SNX18: variants seen among roughly 807,000 people sequenced by gnomAD.
SNX18 encodes the protein sorting nexin 18, also known as sorting nexin-18.
In SNX18, 35 loss-of-function variants were observed where a neutral mutation model predicts 48.7. The observed-to-expected ratio is 0.72, with a 90% confidence interval of 0.55 to 0.95. The LOEUF (loss-of-function observed/expected upper bound fraction) is 0.95, where lower values mean the gene tolerates loss of function less well. Ranked by LOEUF, SNX18 falls within the 40% of genes least tolerant of loss-of-function variation. The probability of loss-of-function intolerance (pLI) is 0.00; values close to 1 mark genes in which losing one functional copy is unlikely to be tolerated. For synonymous variants in SNX18, 492 were observed against 384.7 expected, an observed-to-expected ratio of 1.28 and a Z score of -3.26; for missense variants, 824 against 871.0, an observed-to-expected ratio of 0.95 and a Z score of 0.68.
chr5:54,571,368 C>T, the SNX18 span, among the ~76,000 whole-genome samples: 1 of 152,076 alleles, frequency 6.6e-6, no homozygotes, highest in Non-Finnish European at 1.5e-5. Flanking sequence ...AAAAAGTCCC[C>T]GTAGGAAGAA....
the SNX18 span, among the ~76,000 whole-genome samples, chr5:54,612,554 T>G: frequency 6.6e-6 from 1 of 152,136 alleles, no homozygotes. Context: ...TGAGCCACCG[T>G]GCCTGGCTGA....
chr5:54,584,559 A>G, the SNX18 span, among the ~76,000 whole-genome samples: 1 of 152,188 alleles, frequency 6.6e-6, no homozygotes, highest in Non-Finnish European at 1.5e-5. Flanking sequence ...GAAAAGATTA[A>G]TAATGACAAG....
chr5:54,570,591 T>A, the SNX18 span, among the ~76,000 whole-genome samples: 2 of 152,198 alleles, frequency 1.3e-5, no homozygotes, highest in Non-Finnish European at 2.9e-5. Flanking sequence ...AGTACATGGC[T>A]CATAATCTCT....
chr5:54,584,463 G>A, the SNX18 span, among the ~76,000 whole-genome samples: 1 of 152,106 alleles, frequency 6.6e-6, no homozygotes, highest in African/African-American at 2.4e-5. Flanking sequence ...TAATGGGGAG[G>A]ACACTTCAGC....
chr5:54,623,410 C>T, the SNX18 span, among the ~76,000 whole-genome samples: 2 of 152,062 alleles, frequency 1.3e-5, no homozygotes, highest in African/African-American at 4.8e-5. Flanking sequence ...GGCAGTGTAG[C>T]CCAGCATTGC....
the SNX18 span, among the ~76,000 whole-genome samples, chr5:54,564,797 G>A: frequency 6.6e-6 from 1 of 152,330 alleles, no homozygotes; most frequent in African/African-American, 2.4e-5. Flanking sequence ...GGCAGAGGTT[G>A]CAGTGAGCCA....
At chr5:54,616,521 C>G in the SNX18 span, among the ~76,000 whole-genome samples, 3 of 152,220 alleles carry the variant, frequency 2.0e-5, no homozygotes, top group African/African-American at 7.2e-5. Flanking sequence ...ACCTGTAATC[C>G]CATCACTTTG....
At chr5:54,622,535 C>T in the SNX18 span, among the ~76,000 whole-genome samples, 3 of 150,492 alleles carry the variant, frequency 2.0e-5, no homozygotes, top group East Asian at 1.9e-4. Context: ...TTCATAAATG[C>T]TTTGACCACT....
At chr5:54,547,330 A>G (rs2111630156), downstream of SNX18, among the ~76,000 whole-genome samples, 1 of 152,336 alleles carries the variant, frequency 6.6e-6, no homozygotes, top group South Asian at 2.1e-4. Flanking sequence ...AGATGAGTTA[A>G]AGAGATCAGT....
chr5:54,518,782 A>G lies in SNX18; in HGVS notation c.830A>G (p.Gln277Arg). 6.2e-7 allele frequency: 1 copy of G among 1,605,038 alleles called. No homozygotes were observed. Residue 277 changes from glutamine to arginine, a missense_variant, in exon 1 of 2, where the codon CAG (glutamine) becomes CGG (arginine). Gln to Arg is a conservative substitution (Grantham distance 43). Coordinates refer to ENST00000381410, the MANE Select transcript of SNX18 (RefSeq NM_001102575.2). Reference sequence around the variant, plus strand: ...TGGCAGGAGAACCCCTACCCGTTCCAGTGCACCATCGACGACCCCACCAAG... The same window carrying G: ...TGGCAGGAGAACCCCTACCCGTTCCGGTGCACCATCGACGACCCCACCAAG... The part of the protein sequence containing the change: ...PEWQENPYPF[Q>R]CTIDDPTKQT...
the SNX18 span, among the ~76,000 whole-genome samples, chr5:54,595,399 C>A: frequency 6.6e-6 from 1 of 152,014 alleles, no homozygotes; most frequent in Non-Finnish European, 1.5e-5. Context: ...CCATGCCCAG[C>A]TAATTTTTTG....
At chr5:54,639,959 A>G in the SNX18 span, among the ~76,000 whole-genome samples, 1 of 152,198 alleles carries the variant, frequency 6.6e-6, no homozygotes, top group African/African-American at 2.4e-5. Flanking sequence ...CCTGAGGCCA[A>G]TGGAGATGGC....
chr5:54,645,089 AGTTT>A, the SNX18 span: 3 of 152,228 alleles, frequency 2.0e-5, no homozygotes, highest in African/African-American at 7.2e-5. Context: ...AGATGTAGTT[AGTTT>A]CTCTGTTTAT....
At chr5:54,584,346 G>A in the SNX18 span, among the ~76,000 whole-genome samples, 1 of 151,826 alleles carries the variant, frequency 6.6e-6, no homozygotes, top group Non-Finnish European at 1.5e-5. Context: ...CTGCGTCCAG[G>A]CACCAGTGTG....
rs1225924570 is a variant in SNX18, at chr5:54,525,143, A to T, written c.1621+5570A>T. ...GCGTAACGCTCACTTATCTTTGGCC[A>T]AGTGGGGGCACTTCCTCACGAGGTC... On this transcript the variant is annotated intron_variant, in intron 1 of 1. Transcript: ENST00000381410. 2.6e-5 allele frequency among the ~76,000 whole-genome samples: 4 copies of T among 152,252 alleles called. No individual in the cohort carries two copies. In the East Asian group the frequency reaches 7.7e-4, roughly 29 times the overall value.
chr5:54,592,785 A>G, the SNX18 span, among the ~76,000 whole-genome samples: 1 of 151,652 alleles, frequency 6.6e-6, no homozygotes, highest in African/African-American at 2.4e-5. Flanking sequence ...CTGAGTCCTT[A>G]CCCTAGAAAA....
the SNX18 span, among the ~76,000 whole-genome samples, chr5:54,592,172 A>G: frequency 6.6e-6 from 1 of 152,066 alleles, no homozygotes; most frequent in African/African-American, 2.4e-5. Context: ...CCCCTTTACT[A>G]TACCCTCGCC....
At chr5:54,522,425 C>T (rs1022238141) in intron 1 of SNX18, among the ~76,000 whole-genome samples, 1 of 152,206 alleles carries the variant, frequency 6.6e-6, no homozygotes, top group African/African-American at 2.4e-5. Context: ...CTGTGTTAAA[C>T]TGCTGGCTGC....
chr5:54,580,119 CAGAG>C, the SNX18 span, among the ~76,000 whole-genome samples: 1 of 151,392 alleles, frequency 6.6e-6, no homozygotes, highest in East Asian at 1.9e-4. Flanking sequence ...GAGAGAGAGA[CAGAG>C]AGAGAGAAAG....
Sources: allele counts gnomAD v4.1 joint callset (sites outside exome capture counted in the v4.1 genomes callset), GRCh38; gene constraint gnomAD v4.1.1; transcripts MANE v1.5; gene names NCBI Gene and HGNC (gene_info 2026-07-23, HGNC 2026-07-21).